Variants in CEP128 observed in about 807,000 individuals in gnomAD.
CEP128 encodes centrosomal protein 128kDa.
In CEP128, 132 loss-of-function variants were observed where a neutral mutation model predicts 156.7. The observed-to-expected ratio is 0.84, with a 90% confidence interval of 0.73 to 0.97. The LOEUF is 0.97. Among genes scored for constraint, CEP128 ranks in the 50% least tolerant of loss-of-function variants. CEP128 has a pLI of 0.00. For missense variants in CEP128, 1,252 were observed against 1,281.9 expected (o/e 0.98, Z 0.36); for synonymous variants, 469 against 448.9 (o/e 1.04, Z -0.57).
intron 20 of CEP128, among the ~76,000 whole-genome samples, chr14:80,569,313 C>T (rs910889776): frequency 2.6e-5 from 4 of 152,138 alleles, no homozygotes; most frequent in Non-Finnish European, 5.9e-5. Flanking sequence ...CTTTTCAGGA[C>T]TATAAATAAA....
intron 19 of CEP128, among the ~76,000 whole-genome samples, chr14:80,631,190 C>A (rs1458974546): frequency 6.6e-6 from 1 of 151,900 alleles, no homozygotes; most frequent in African/African-American, 2.4e-5. Context: ...CATTGAGAAT[C>A]TGATGAACAC....
intron 19 of CEP128, among the ~76,000 whole-genome samples, chr14:80,703,241 A>C (rs72690957): frequency 1.6e-3 from 237 of 152,200 alleles, no homozygotes; most frequent in Middle Eastern, 0.014. Flanking sequence ...ATAAGTTATA[A>C]AAGGACCCTT....
intron 2 of CEP128, among the ~76,000 whole-genome samples, chr14:80,951,720 G>A (rs192871255): frequency 5.3e-5 from 8 of 152,098 alleles, no homozygotes; most frequent in South Asian, 4.1e-4. Flanking sequence ...CAGAGACGGC[G>A]AGACTGAAAG....
intron 17 of CEP128, among the ~76,000 whole-genome samples, chr14:80,760,192 TA>T (rs1321946322): frequency 6.6e-6 from 1 of 151,848 alleles, no homozygotes; most frequent in Non-Finnish European, 1.5e-5. Flanking sequence ...ACAATAGTTC[TA>T]AAAGAGTTAG....
intron 20 of CEP128, among the ~76,000 whole-genome samples, chr14:80,564,084 AC>A (rs1296676978): frequency 2.0e-5 from 3 of 152,098 alleles, no homozygotes; most frequent in African/African-American, 7.2e-5. Context: ...TTCTTCAAAT[AC>A]TTGGAAGAAA....
intron 19 of CEP128, among the ~76,000 whole-genome samples, chr14:80,658,068 T>C (rs1010624135): frequency 2.0e-5 from 3 of 152,202 alleles, no homozygotes; most frequent in Non-Finnish European, 4.4e-5. Flanking sequence ...TTTCTAATGC[T>C]ATCACCACAG....
chr14:80,944,060 G>C (rs937022626), upstream of CEP128, among the ~76,000 whole-genome samples: 3 of 150,522 alleles, frequency 2.0e-5, no homozygotes, highest in Non-Finnish European at 3.0e-5. Flanking sequence ...TAACAAAATA[G>C]ACAAAATGAG....
chr14:80,695,567 A>G (rs1331894595), intron 19 of CEP128, among the ~76,000 whole-genome samples: 1 of 151,996 alleles, frequency 6.6e-6, no homozygotes, highest in Non-Finnish European at 1.5e-5. Flanking sequence ...GATATAAAAA[A>G]TTAGCCGGGC....
At chr14:80,944,514 C>T (rs1359121437), upstream of CEP128, among the ~76,000 whole-genome samples, 2 of 152,100 alleles carry the variant, frequency 1.3e-5, no homozygotes, top group African/African-American at 4.8e-5. Flanking sequence ...CCATGCAGAA[C>T]TGTAAGTCAA....
chr14:80,738,038 TC>T (rs1595317464), intron 19 of CEP128, among the ~76,000 whole-genome samples: 7 of 152,236 alleles, frequency 4.6e-5, no homozygotes, highest in Admixed American at 4.6e-4. Context: ...ACTTGCTTCT[TC>T]CTGTTTTGGG....
intron 19 of CEP128, among the ~76,000 whole-genome samples, chr14:80,585,075 C>T (rs965851902): frequency 6.6e-6 from 1 of 152,174 alleles, no homozygotes; most frequent in South Asian, 2.1e-4. Flanking sequence ...GTGTATTTTC[C>T]TTGGATTGGT....
chr14:80,785,617 G>T, intron 14 of CEP128, 72 bp from the exon 15 acceptor site: 1 of 1,112,098 alleles, frequency 9.0e-7, no homozygotes, highest in Non-Finnish European at 1.2e-6. Context: ...GACTCTGCCA[G>T]TCAGCAAAAC....
chr14:80,629,332 C>A (rs970110140), intron 19 of CEP128, among the ~76,000 whole-genome samples: 1 of 152,108 alleles, frequency 6.6e-6, no homozygotes, highest in East Asian at 1.9e-4. Context: ...TGAAGATTAA[C>A]AGTGTGTTAA....
chr14:80,592,239 AC>A (rs1892106670), intron 19 of CEP128, among the ~76,000 whole-genome samples: 6 of 152,200 alleles, frequency 3.9e-5, no homozygotes, highest in African/African-American at 1.4e-4. Context: ...GAAAATACTA[AC>A]AAAATAGACC....
intron 19 of CEP128, among the ~76,000 whole-genome samples, chr14:80,588,534 A>T (rs1415321609): frequency 1.3e-5 from 2 of 152,132 alleles, no homozygotes; most frequent in African/African-American, 2.4e-5. Context: ...ACAGTAAAGG[A>T]GATACAACTG....
At chr14:80,821,667 A>C (rs1885192145) in intron 13 of CEP128, among the ~76,000 whole-genome samples, 1 of 148,336 alleles carries the variant, frequency 6.7e-6, no homozygotes, top group African/African-American at 2.5e-5. Context: ...AAGAATCACA[A>C]GGCCCCATTT....
Position 80,504,907 on chromosome 14 carries a change from C to T in CEP128, c.3181+5G>A, listed in dbSNP as rs748099196. On this transcript the variant is annotated splice_donor_5th_base_variant and intron_variant, in intron 24 of 24. Coordinates refer to ENST00000555265, the MANE Select transcript of CEP128 (RefSeq NM_152446.5). ...TAAAAATGGGTACAAGACTTCATTACTTACAGTTCACGTATGAAAATCTTG... is the reference window on the plus strand; with the variant it reads ...TAAAAATGGGTACAAGACTTCATTATTTACAGTTCACGTATGAAAATCTTG... 1.1e-5 allele frequency: 17 copies of T among 1,493,764 alleles called. No individual in the cohort carries two copies. Among genetic ancestry groups the T allele is most frequent in the Non-Finnish European group, 1.6e-5 (17 of 1,090,188 alleles). 92.5% of individuals were successfully genotyped at this position (1,493,764 alleles called of 1,614,324 possible).
At chr14:80,949,603 T>A (rs1280474989) in intron 2 of CEP128, among the ~76,000 whole-genome samples, 1 of 152,146 alleles carries the variant, frequency 6.6e-6, no homozygotes. Flanking sequence ...AGAAGGGTAT[T>A]GCCTCGGGAA....
intron 14 of CEP128, among the ~76,000 whole-genome samples, chr14:80,481,426 C>T (rs1887051226): frequency 6.6e-6 from 1 of 152,162 alleles, no homozygotes; most frequent in Admixed American, 6.6e-5. Flanking sequence ...TGGCAGTTCT[C>T]AGAGATACAA....
Sources: allele counts gnomAD v4.1 joint callset (sites outside exome capture counted in the v4.1 genomes callset), GRCh38; gene constraint gnomAD v4.1.1; transcripts MANE v1.5; gene names NCBI Gene and HGNC (gene_info 2026-07-23, HGNC 2026-07-21).